ITIH4: variants seen among roughly 807,000 people sequenced by gnomAD.
ITIH4 encodes the protein inter-alpha-trypsin inhibitor heavy chain 4, also known as inter-alpha-trypsin inhibitor heavy chain H4.
ITIH4 carries 79 observed loss-of-function variants against 111.8 expected under a neutral mutation model. The ratio of observed to expected loss-of-function variants is 0.71; its 90% CI spans 0.59 to 0.85. The LOEUF is 0.85. Ranked by LOEUF, ITIH4 falls within the 40% of genes least tolerant of loss-of-function variation. ITIH4 has a pLI of 0.00. For missense variants in ITIH4, 1,065 were observed against 1,195.8 expected (o/e 0.89, Z 1.61); for synonymous variants, 472 against 468.3 (o/e 1.01, Z -0.10).
chr3:52,825,106 T>A, intron 6 of ITIH4, 148 bp from the exon 7 acceptor site: 1 of 517,566 alleles, frequency 1.9e-6, no homozygotes, highest in Non-Finnish European at 3.4e-6. Flanking sequence ...CCTTGCCCTT[T>A]TTCAGGGCTC....
At chr3:52,826,081 C>T in intron 5 of ITIH4, 67 bp from the exon 6 acceptor site, 1 of 1,594,128 alleles carries the variant, frequency 6.3e-7, no homozygotes, top group Non-Finnish European at 8.6e-7. Flanking sequence ...CCCTCTACCC[C>T]TGTCTGTATA....
At chr3:52,827,451 C>T (rs943369811) in intron 2 of ITIH4, among the ~76,000 whole-genome samples, 5 of 152,220 alleles carry the variant, frequency 3.3e-5, no homozygotes, top group African/African-American at 9.6e-5. Context: ...ATAGAAGGGA[C>T]GAAGGGGAGG....
At chr3:52,829,362 C>G (rs1700533896) in intron 1 of ITIH4, 83 bp from the exon 2 acceptor site, 2 of 1,462,330 alleles carry the variant, frequency 1.4e-6, no homozygotes, top group Non-Finnish European at 1.9e-6. Context: ...TTGGCCCTGA[C>G]TCTGGCTCTA....
intron 13 of ITIH4, 95 bp from the exon 14 acceptor site, chr3:52,820,412 A>T: frequency 2.9e-6 from 4 of 1,379,364 alleles, no homozygotes; most frequent in Non-Finnish European, 4.1e-6. Flanking sequence ...GCTTGTGTTT[A>T]ATCTTGCTAC....
intron 18 of ITIH4, 49 bp downstream of exon 18, chr3:52,818,413 C>T: frequency 1.3e-6 from 2 of 1,579,768 alleles, no homozygotes; most frequent in Admixed American, 1.8e-5. Context: ...CAGGTCACTC[C>T]CCTCCCAGGA....
rs766245102 is a variant in ITIH4 at position 52,813,418 on chromosome 3, G to C, written c.*3C>G. 1 of 1,613,972 alleles carries C rather than the reference G, an allele frequency of 6.2e-7. No homozygotes were observed. Among genetic ancestry groups the C allele is most frequent in the South Asian group, 1.1e-5 (1 of 91,070 alleles). On this transcript the variant is annotated 3_prime_UTR_variant, in exon 24 of 24. Transcript: ENST00000266041. ...AGGGTGGGCACAGCTCCTTCCATCA[G>C]AACTACAGCTCCACAGACCAGCAGG...
intron 2 of ITIH4, 32 bp from the exon 3 acceptor site, chr3:52,827,229 C>G: frequency 6.4e-7 from 1 of 1,568,350 alleles, no homozygotes; most frequent in Non-Finnish European, 8.8e-7. Flanking sequence ...TTGTTGAGAG[C>G]CTGGTGGCAG....
Position 52,816,942 on chromosome 3 carries a change from G to C in ITIH4, c.2413C>G (p.Arg805Gly). The change falls in exon 21 of 24, where the codon CGG becomes GGG. Residue 805 changes from arginine (R) to glycine (G), a missense_variant. By Grantham distance (125) the Arg-to-Gly change is moderately radical. Coordinates refer to ENST00000266041, the MANE Select transcript of ITIH4 (RefSeq NM_002218.5). ...HASPEHVVVT[R>G]NRRSSAYKWK... ...TTGTACGCAGAGCTTCTTCGGTTCC[G>C]AGTCACCACCACGTGTTCAGGGGAT... 6.2e-7 allele frequency: 1 copy of C among 1,614,042 alleles called. No homozygotes were observed. The highest frequency in any genetic ancestry group is 8.5e-7 in the Non-Finnish European group (1 of 1,179,964).
Position 52,813,984 on chromosome 3 carries a change from G to C in ITIH4, c.2714C>G (p.Ser905Cys). ...RTLRVQGNDH[S>C]ATRERRLDYQ... ...GCTTGTGCCAAGTCACCTGGTGGCA[G>C]AGTGGTCATTGCCCTGAACCCTCAG... The change falls in exon 23 of 24, where the codon TCT (serine) becomes TGT (cysteine). Residue 905 changes from serine (S) to cysteine (C), a missense_variant. Coordinates refer to ENST00000266041, the MANE Select transcript of ITIH4 (RefSeq NM_002218.5). 1 of 1,612,308 alleles carries C rather than the reference G, an allele frequency of 6.2e-7. No homozygotes were observed.
intron 6 of ITIH4, 50 bp downstream of exon 6, chr3:52,825,836 G>A (rs769225629): frequency 5.7e-6 from 9 of 1,579,894 alleles, no homozygotes; most frequent in South Asian, 4.6e-5. Flanking sequence ...CAGGCCCTTG[G>A]GGGTGGACAG....
At position 52,814,031 on chromosome 3, in the gene ITIH4, T is replaced by C; in HGVS notation, c.2667A>G (p.Ala889=). The C allele has an allele frequency of 6.2e-7, 1 of 1,613,960 alleles. No homozygotes were observed. Residue 889 remains alanine (A), a synonymous_variant, in exon 23 of 24, where the codon GCA becomes GCG. Coordinates refer to ENST00000266041, the MANE Select transcript of ITIH4 (RefSeq NM_002218.5). ...YQEVLWGSPA[A]SDDGRRTLRV... is the part of the protein sequence containing the mutation. ...TCAGCGTGCGTCTGCCGTCATCTGATGCTGCTGGAGATCCCCAGAGCACCT... is the reference window on the plus strand; with the variant it reads ...TCAGCGTGCGTCTGCCGTCATCTGACGCTGCTGGAGATCCCCAGAGCACCT...
In ITIH4 at chr3:52,813,251, G is replaced by A. The variant is rs1700221763; in HGVS notation, c.*170C>T. The A allele has an allele frequency of 1.5e-6, 1 of 647,936 alleles. No individual in the cohort carries two copies. Among genetic ancestry groups the A allele is most frequent in the African/African-American group, 1.8e-5 (1 of 54,808 alleles). 40.1% of individuals were successfully genotyped at this position (647,936 alleles called of 1,614,324 possible). ...TCAGGATGCGAGGTTGAGGCCCTAG[G>A]ATTTGGCCACATGGAACTGGAGACA... On this transcript the variant is annotated 3_prime_UTR_variant, in exon 24 of 24. Coordinates refer to ENST00000266041, the MANE Select transcript of ITIH4 (RefSeq NM_002218.5).
chr3:52,816,212 C>T (rs1482469615), intron 21 of ITIH4, among the ~76,000 whole-genome samples: 1 of 152,196 alleles, frequency 6.6e-6, no homozygotes, highest in Non-Finnish European at 1.5e-5. Flanking sequence ...CCCTCGTGAT[C>T]TGCAAAGCTG....
intron 21 of ITIH4, 29 bp from the exon 22 acceptor site, chr3:52,814,392 G>C (rs777781888): frequency 1.1e-5 from 18 of 1,608,186 alleles, no homozygotes; most frequent in Non-Finnish European, 1.5e-5. Flanking sequence ...TCTTGAGCAG[G>C]AAGGTAGAGA....
intron 21 of ITIH4, among the ~76,000 whole-genome samples, chr3:52,816,533 C>G (rs1232293463): frequency 1.3e-5 from 2 of 152,162 alleles, no homozygotes; most frequent in Non-Finnish European, 2.9e-5. Flanking sequence ...GGGTTCTCCC[C>G]CCAGCCTTCT....
At chr3:52,823,453 G>T in intron 11 of ITIH4, 103 bp downstream of exon 11, 1 of 920,270 alleles carries the variant, frequency 1.1e-6, no homozygotes, top group Non-Finnish European at 1.6e-6. Flanking sequence ...AGGCAGCAGA[G>T]GGGAAAGCTG....
chr3:52,819,960 C>T lies in ITIH4; in HGVS notation c.1892G>A (p.Gly631Glu). 1 of 1,614,092 alleles carries T rather than the reference C, an allele frequency of 6.2e-7. No homozygotes were observed. Among genetic ancestry groups the T allele is most frequent in the Non-Finnish European group, 8.5e-7 (1 of 1,180,014 alleles). ...GTCACCTGGTTTTGGTATTTTTGCT[C>T]CCTGGAGATAATATTTGAAGAAAGT... is the stretch of plus-strand genomic sequence containing the variant. ...GSTFFKYYLQ[G>E]AKIPKPEASF... The change falls in exon 15 of 24, where the codon GGA (glycine) becomes GAA (glutamate). Residue 631 changes from glycine to glutamate, a missense_variant. Coordinates refer to ENST00000266041, the MANE Select transcript of ITIH4 (RefSeq NM_002218.5).
intron 21 of ITIH4, among the ~76,000 whole-genome samples, chr3:52,816,506 A>G (rs185839761): frequency 9.3e-4 from 142 of 152,284 alleles, no homozygotes; most frequent in African/African-American, 3.1e-3. Flanking sequence ...AAGTGCTCCC[A>G]ACTACACTCT....
In ITIH4 at chr3:52,824,303, T is replaced by C. The variant is rs772211429; in HGVS notation, c.1058A>G (p.Asn353Ser). The change falls in exon 9 of 24, where the codon AAT (asparagine) becomes AGT (serine). Residue 353 changes from asparagine (N) to serine (S), a missense_variant. Transcript: ENST00000266041. The surrounding 1 kb of genome is among the most constrained non-coding windows in gnomAD (Gnocchi z 4.3). ...CTGCACAGCCATCAGCATTGCATCA[T>C]TGATGTTGGTCCCTGAGGAACACGC... ...GIQALGGTNI[N>S]DAMLMAVQLL... 3 of 1,613,220 alleles carry C rather than the reference T, an allele frequency of 1.9e-6. No homozygotes were observed. The highest frequency in any genetic ancestry group is 2.7e-5 in the African/African-American group (2 of 74,926).
Sources: allele counts gnomAD v4.1 joint callset (sites outside exome capture counted in the v4.1 genomes callset), GRCh38; gene constraint gnomAD v4.1.1; non-coding constraint Gnocchi (gnomAD v3.1); transcripts MANE v1.5; gene names NCBI Gene and HGNC (gene_info 2026-07-23, HGNC 2026-07-21).